GARNL3: variants seen among roughly 807,000 people sequenced by gnomAD.
The protein encoded by GARNL3 is GTPase activating Rap/RanGAP domain like 3.
A neutral mutation model predicts 125.0 loss-of-function variants in GARNL3; 63 were observed. The observed-to-expected ratio is 0.50, with a 90% CI of 0.41 to 0.62. GARNL3 has a LOEUF of 0.62. Among genes scored for constraint, GARNL3 ranks in the 20% least tolerant of loss-of-function variants. The probability of loss-of-function intolerance (pLI) is 0.00; values close to 1 mark genes in which losing one functional copy is unlikely to be tolerated. For synonymous variants in GARNL3, 439 were observed against 457.5 expected, an observed-to-expected ratio of 0.96 and a Z score of 0.52; for missense variants, 994 against 1,244.0, an observed-to-expected ratio of 0.80 and a Z score of 3.02.
Position 127,388,996 on chromosome 9 carries a change from A to G in GARNL3, c.2620A>G (p.Lys874Glu). The G allele has an allele frequency of 6.2e-7, 1 of 1,613,542 alleles. No individual in the cohort carries two copies. Among genetic ancestry groups the G allele is most frequent in the Non-Finnish European group, 8.5e-7 (1 of 1,179,436 alleles). The change falls in exon 26 of 28, where the codon AAG becomes GAG. Residue 874 changes from lysine (K) to glutamate (E), a missense_variant. Physicochemically the swap from Lys to Glu is moderately conservative, Grantham distance 56. Coordinates refer to ENST00000373387, the MANE Select transcript of GARNL3 (RefSeq NM_032293.5). The part of the protein sequence containing the change: ...ERPLKSPLVS[K>E]VITPPTPISV... Reference sequence around the variant, plus strand: ...ACCTCTGAAGTCACCCTTAGTCTCCAAGGTCATCACCCCACCCACTCCCAT... The same window carrying G: ...ACCTCTGAAGTCACCCTTAGTCTCCGAGGTCATCACCCCACCCACTCCCAT...
chr9:127,319,110 T>A (rs2065321927), intron 5 of GARNL3, among the ~76,000 whole-genome samples: 1 of 152,190 alleles, frequency 6.6e-6, no homozygotes. Flanking sequence ...TGACACCTAA[T>A]AGCTACAACT....
At chr9:127,261,407 G>GT (rs377048911), upstream of GARNL3, among the ~76,000 whole-genome samples, 10,159 of 116,896 alleles carry the variant, frequency 0.087, 1,874 homozygotes, top group African/African-American at 0.32. Flanking sequence ...TTTTTTGTTG[G>GT]TTTTTTTTTT....
intron 1 of GARNL3, among the ~76,000 whole-genome samples, chr9:127,276,006 A>T (rs905791373): frequency 6.6e-6 from 1 of 152,172 alleles, no homozygotes; most frequent in Non-Finnish European, 1.5e-5. Context: ...TAATGGTTCC[A>T]CAGTTTCCCT....
At chr9:127,325,211 AC>A in intron 7 of GARNL3, 116 bp downstream of exon 7, 1 of 943,792 alleles carries the variant, frequency 1.1e-6, no homozygotes, top group Non-Finnish European at 1.7e-6. Context: ...GTAGATTTGC[AC>A]AGTGGGACAC....
rs531814123 is a variant in GARNL3, at chr9:127,344,308, C to G, written c.1325C>G (p.Ala442Gly). ...SPKSARKKEE[A>G]RQAEFVRIGQ... is the part of the protein sequence containing the mutation. ...AAGTCAGCGCGGAAGAAAGAGGAGG[C>G]CCGCCAGGCGGAGTTTGTTAGAATA... is the stretch of plus-strand genomic sequence containing the variant. The change falls in exon 15 of 28, where the codon GCC becomes GGC. Residue 442 changes from alanine to glycine, a missense_variant. Transcript: ENST00000373387. 1 of 1,613,724 alleles carries G rather than the reference C, an allele frequency of 6.2e-7. No individual in the cohort carries two copies. Among genetic ancestry groups the G allele is most frequent in the Admixed American group, 1.7e-5 (1 of 60,020 alleles).
intron 23 of GARNL3, among the ~76,000 whole-genome samples, chr9:127,383,819 A>G (rs1832400346): frequency 6.6e-6 from 1 of 152,140 alleles, no homozygotes; most frequent in South Asian, 2.1e-4. Context: ...CTTGGTTATC[A>G]TTTCAGCACC....
intron 6 of GARNL3, among the ~76,000 whole-genome samples, chr9:127,323,135 T>C (rs750846456): frequency 8.5e-5 from 13 of 152,180 alleles, no homozygotes; most frequent in South Asian, 6.2e-4. Flanking sequence ...GAATCATGCA[T>C]ACATCAAAAG....
Position 127,383,519 on chromosome 9 carries a change from G to T in GARNL3, c.2243G>T (p.Cys748Phe). ...VQPSASDFQF[C>F]WNQAPYAIVC... ...CCTTCTGCGTCAGATTTCCAGTTCT[G>T]TTGGAACCAGGCTCCCTATGCAATT... The change falls in exon 23 of 28, where the codon TGT (cysteine) becomes TTT (phenylalanine). Residue 748 changes from cysteine (C) to phenylalanine (F), a missense_variant. Transcript: ENST00000373387. The T allele has an allele frequency of 6.2e-7, 1 of 1,613,112 alleles. No individual in the cohort carries two copies.
At chr9:127,303,129 C>G (rs918687460) in intron 2 of GARNL3, among the ~76,000 whole-genome samples, 3 of 151,672 alleles carry the variant, frequency 2.0e-5, no homozygotes, top group African/African-American at 7.3e-5. Flanking sequence ...CCAGCCTGGG[C>G]GACAGAGCAA....
At chr9:127,228,714 G>A (rs2062954527) in intron 1 of GARNL3, among the ~76,000 whole-genome samples, 1 of 152,038 alleles carries the variant, frequency 6.6e-6, no homozygotes, top group Admixed American at 6.6e-5. Context: ...ACTTTTTTCA[G>A]TTTATTATTT....
At chr9:127,334,893 T>G (rs930539538) in intron 9 of GARNL3, among the ~76,000 whole-genome samples, 20 of 152,326 alleles carry the variant, frequency 1.3e-4, no homozygotes, top group African/African-American at 4.8e-4. Flanking sequence ...TGGACATAAT[T>G]GTTTGTGTCA....
At chr9:127,295,324 A>T (rs902214533) in intron 2 of GARNL3, among the ~76,000 whole-genome samples, 1 of 152,216 alleles carries the variant, frequency 6.6e-6, no homozygotes, top group African/African-American at 2.4e-5. Context: ...CTTAGAGTTC[A>T]TCTGGGCCAA....
intron 22 of GARNL3, among the ~76,000 whole-genome samples, chr9:127,369,438 G>T (rs1219331749): frequency 6.6e-6 from 1 of 152,226 alleles, no homozygotes; most frequent in Non-Finnish European, 1.5e-5. Flanking sequence ...TTAAAGTCAT[G>T]AAACTAAAGA....
intron 1 of GARNL3, among the ~76,000 whole-genome samples, chr9:127,279,188 T>C (rs1296982939): frequency 6.6e-6 from 1 of 152,118 alleles, no homozygotes; most frequent in African/African-American, 2.4e-5. Flanking sequence ...TGGGTTTTTC[T>C]TACATTTTTT....
At chr9:127,268,399 T>C (rs923621055) in intron 1 of GARNL3, among the ~76,000 whole-genome samples, 5 of 152,212 alleles carry the variant, frequency 3.3e-5, no homozygotes, top group Admixed American at 3.3e-4. Context: ...TATTTTCTCT[T>C]TCTCTCTGGT....
chr9:127,320,011 A>G (rs1019580756), intron 5 of GARNL3, among the ~76,000 whole-genome samples: 1 of 152,216 alleles, frequency 6.6e-6, no homozygotes, highest in East Asian at 1.9e-4. Context: ...CTTAAAAGGA[A>G]ATTAAAATAT....
chr9:127,331,093 C>T (rs1482313636), intron 7 of GARNL3, among the ~76,000 whole-genome samples: 1 of 151,876 alleles, frequency 6.6e-6, no homozygotes, highest in Non-Finnish European at 1.5e-5. Context: ...GTCAACCAAC[C>T]TTGTAGAGGT....
chr9:127,351,961 C>G (rs1830443834), intron 17 of GARNL3, among the ~76,000 whole-genome samples: 1 of 152,334 alleles, frequency 6.6e-6, no homozygotes, highest in African/African-American at 2.4e-5. Context: ...CAAACCTGTT[C>G]AGCCATCTGA....
At position 127,355,470 on chromosome 9, in the gene GARNL3, A is replaced by T; in HGVS notation, c.1933A>T (p.Arg645Trp). The T allele has an allele frequency of 1.9e-6, 3 of 1,614,026 alleles. No individual in the cohort carries two copies. Reference protein sequence around the residue: ...ESPVEEFQYIREICLSDSPMV... With the variant: ...ESPVEEFQYIWEICLSDSPMV... ...ACCTGTTGAAGAATTCCAGTACATC[A>T]GGGTAGGTTTGCTCTTTAAATCATT... The change falls in exon 20 of 28, where the codon AGG (arginine) becomes TGG (tryptophan). Residue 645 changes from arginine to tryptophan, a missense_variant and splice_region_variant. By Grantham distance (101) the Arg-to-Trp change is moderately radical. Around this residue, in one of 5 missense-constraint regions of GARNL3, gnomAD observed 728 missense variants for 865.7 expected, o/e 0.84. Transcript: ENST00000373387.
Sources: gnomAD v4.1 joint callset for allele counts (sites outside exome capture counted in the v4.1 genomes callset) on GRCh38, gnomAD v4.1.1 for gene constraint, gnomAD v4.1.1 regional missense constraint, MANE v1.5 for transcripts, NCBI Gene and HGNC (gene_info 2026-07-23, HGNC 2026-07-21) for gene names.